The following ZNF804B variants were observed in gnomAD, a reference collection of about 807,000 sequenced individuals.
The protein encoded by ZNF804B is zinc finger protein 804B, also known as zinc finger 804B.
In ZNF804B, 80 loss-of-function variants were observed where a neutral mutation model predicts 101.4. That is an observed-to-expected ratio of 0.79 (90% CI 0.66 to 0.95). The LOEUF is 0.95. Ranked by LOEUF, ZNF804B falls within the 40% of genes least tolerant of loss-of-function variation. The pLI is 0.00. For synonymous variants in ZNF804B, 622 were observed against 558.8 expected (o/e 1.11, Z -1.59); for missense variants, 1,673 against 1,561.9 (o/e 1.07, Z -1.20).
intron 1 of ZNF804B, among the ~76,000 whole-genome samples, chr7:88,966,628 A>G (rs1001214816): frequency 6.6e-6 from 1 of 151,478 alleles, no homozygotes; most frequent in Admixed American, 6.6e-5. Flanking sequence ...TGAGTTATTT[A>G]TTTTCCTTGC....
In ZNF804B at chr7:89,249,339, C is replaced by T. The variant is rs143830893; in HGVS notation, c.249+31044C>T. On this transcript the variant is annotated intron_variant, in intron 2 of 3. Coordinates refer to ENST00000333190, the MANE Select transcript of ZNF804B (RefSeq NM_181646.5). ...AACCACAGAATATACATTATTCTCA[C>T]CTGCACATAGATCATACACCAAGGT... is the stretch of plus-strand genomic sequence containing the variant. Among the ~76,000 whole-genome samples, 575 of 152,282 alleles carry T rather than the reference C, an allele frequency of 3.8e-3. 3 individuals are homozygous for T. Among genetic ancestry groups the T allele is most frequent in the African/African-American group, 0.013 (552 of 41,552 alleles).
At position 89,336,518 on chromosome 7, in the gene ZNF804B, G is replaced by C. The variant is rs769663258; in HGVS notation, c.3536G>C (p.Arg1179Pro). ...AAGCAACTCCTATCAAAGCATCTTC[G>C]AGTTTTGCCTGCTGCAGGGCCTACT... Reference protein sequence around the residue: ...MQKQLLSKHLRVLPAAGPTAF... With the variant: ...MQKQLLSKHLPVLPAAGPTAF... The change falls in exon 4 of 4, where the codon CGA becomes CCA. Residue 1179 changes from arginine to proline, a missense_variant. Transcript: ENST00000333190. 1.9e-6 allele frequency: 3 copies of C among 1,614,000 alleles called. No homozygotes were observed. In the Admixed American group the frequency reaches 5.0e-5, roughly 27 times the overall value.
intron 1 of ZNF804B, among the ~76,000 whole-genome samples, chr7:88,826,568 G>T (rs1480666862): frequency 1.3e-5 from 2 of 152,068 alleles, no homozygotes; most frequent in African/African-American, 4.8e-5. Context: ...TTATGCTAAG[G>T]TCTTTCTCAT....
chr7:89,158,635 G>A (rs966084149), intron 1 of ZNF804B, among the ~76,000 whole-genome samples: 6 of 151,952 alleles, frequency 3.9e-5, no homozygotes, highest in African/African-American at 7.3e-5. Flanking sequence ...AGTTTTTCTC[G>A]ATGAATTATA....
intron 2 of ZNF804B, among the ~76,000 whole-genome samples, chr7:89,282,757 G>A (rs1562936455): frequency 6.6e-6 from 1 of 152,146 alleles, no homozygotes; most frequent in East Asian, 1.9e-4. Context: ...CCTCTTTTCT[G>A]GTGCGATCAT....
At chr7:88,999,886 A>G (rs1162933796) in intron 1 of ZNF804B, among the ~76,000 whole-genome samples, 2 of 151,986 alleles carry the variant, frequency 1.3e-5, no homozygotes, top group East Asian at 3.9e-4. Flanking sequence ...CCCTTTGAAA[A>G]TTGTTAACAA....
chr7:89,266,558 C>T (rs1789799579), intron 2 of ZNF804B, among the ~76,000 whole-genome samples: 1 of 152,058 alleles, frequency 6.6e-6, no homozygotes, highest in Non-Finnish European at 1.5e-5. Flanking sequence ...ACCAAAGTGG[C>T]AAGTACAGTT....
At chr7:89,059,642 C>T (rs981499913) in intron 1 of ZNF804B, among the ~76,000 whole-genome samples, 9 of 152,228 alleles carry the variant, frequency 5.9e-5, no homozygotes, top group Admixed American at 2.0e-4. Flanking sequence ...ACATCCAGAC[C>T]ATATCACTTT....
chr7:88,846,348 C>A (rs955511404), intron 1 of ZNF804B, among the ~76,000 whole-genome samples: 1 of 151,962 alleles, frequency 6.6e-6, no homozygotes, highest in Middle Eastern at 3.2e-3. Context: ...AAAAACAATT[C>A]CAGTGAGAAA....
chr7:89,169,630 T>A (rs1791196124), intron 1 of ZNF804B, among the ~76,000 whole-genome samples: 2 of 152,236 alleles, frequency 1.3e-5, no homozygotes, highest in African/African-American at 4.8e-5. Context: ...AAGGTCATTG[T>A]TCTCATACAT....
chr7:89,154,354 C>T (rs1790922627), intron 1 of ZNF804B, among the ~76,000 whole-genome samples: 1 of 152,128 alleles, frequency 6.6e-6, no homozygotes. Flanking sequence ...TTAGAGCTAC[C>T]ATATGATCCA....
intron 1 of ZNF804B, chr7:88,794,643 G>A (rs1383255284): frequency 1.2e-6 from 2 of 1,613,732 alleles, no homozygotes; most frequent in Non-Finnish European, 1.7e-6. Flanking sequence ...TGGAGGACTC[G>A]AGGATATGCA....
chr7:88,829,825 G>A (rs1239593962), intron 1 of ZNF804B, among the ~76,000 whole-genome samples: 2 of 152,060 alleles, frequency 1.3e-5, no homozygotes, highest in African/African-American at 2.4e-5. Flanking sequence ...ATCATAAATT[G>A]TGCTATAATA....
chr7:88,895,617 A>G lies in ZNF804B; in HGVS notation c.108+135533A>G, dbSNP rs559672879. Reference sequence around the variant, plus strand: ...AAAGAAACCAGCACTCCTTAGTGAAATGCATGGTTATGGGACTAGGACAGG... The same window carrying G: ...AAAGAAACCAGCACTCCTTAGTGAAGTGCATGGTTATGGGACTAGGACAGG... On this transcript the variant is annotated intron_variant, in intron 1 of 3. Coordinates refer to ENST00000333190, the MANE Select transcript of ZNF804B (RefSeq NM_181646.5). Among the ~76,000 whole-genome samples the G allele has an allele frequency of 1.4e-4, 21 of 152,294 alleles. No homozygotes were observed. In the South Asian group the frequency reaches 4.1e-3, roughly 30 times the overall value.
chr7:89,259,347 C>T (rs1259150575), intron 2 of ZNF804B, among the ~76,000 whole-genome samples: 1 of 152,174 alleles, frequency 6.6e-6, no homozygotes, highest in African/African-American at 2.4e-5. Context: ...GCCACATCCA[C>T]AATCTCTTTT....
chr7:89,105,454 C>A (rs183432281), intron 1 of ZNF804B, among the ~76,000 whole-genome samples: 224 of 152,088 alleles, frequency 1.5e-3, no homozygotes, highest in Non-Finnish European at 2.6e-3. Flanking sequence ...ACATGGCCAC[C>A]CAGGAATTTG....
intron 2 of ZNF804B, among the ~76,000 whole-genome samples, chr7:89,265,221 T>C (rs1266661823): frequency 7.3e-4 from 111 of 152,192 alleles, no homozygotes; most frequent in Non-Finnish European, 2.1e-4. Context: ...TAGCTCTGAA[T>C]GTGTTATCCA....
chr7:89,061,326 C>T (rs1052712887), intron 1 of ZNF804B, among the ~76,000 whole-genome samples: 2 of 151,960 alleles, frequency 1.3e-5, no homozygotes, highest in Non-Finnish European at 2.9e-5. Flanking sequence ...TTTGGGACTT[C>T]AGCATTTGGG....
intron 1 of ZNF804B, among the ~76,000 whole-genome samples, chr7:89,004,372 G>C (rs1464272484): frequency 2.0e-5 from 3 of 151,628 alleles, no homozygotes; most frequent in Non-Finnish European, 4.4e-5. Flanking sequence ...TATAAAGTAT[G>C]ATCATAAAAA....
Sources: gnomAD v4.1 joint callset for allele counts (sites outside exome capture counted in the v4.1 genomes callset) on GRCh38, gnomAD v4.1.1 for gene constraint, MANE v1.5 for transcripts, NCBI Gene and HGNC (gene_info 2026-07-23, HGNC 2026-07-21) for gene names.